The following UBE2E2 variants were observed in gnomAD, a reference collection of about 807,000 sequenced individuals.
UBE2E2 encodes ubiquitin conjugating enzyme E2 E2, also known as ubiquitin-conjugating enzyme E2 E2.
Under a neutral mutation model 24.7 loss-of-function variants are expected in UBE2E2, and 6 were observed. The ratio of observed to expected loss-of-function variants is 0.24; its 90% CI spans 0.13 to 0.48. UBE2E2 has a LOEUF of 0.48. UBE2E2 is among the 20% of genes least tolerant of loss of function. The probability of loss-of-function intolerance (pLI) is 0.99; values close to 1 mark genes in which losing one functional copy is unlikely to be tolerated. For missense variants in UBE2E2, 169 were observed against 245.0 expected (o/e 0.69, Z 2.07); for synonymous variants, 104 against 83.6 (o/e 1.24, Z -1.33).
At chr3:23,350,498 G>A (rs1466534059) in intron 3 of UBE2E2, among the ~76,000 whole-genome samples, 2 of 152,314 alleles carry the variant, frequency 1.3e-5, no homozygotes, top group South Asian at 2.1e-4. Flanking sequence ...AAAAAATTTA[G>A]ACGAATGTAT....
At chr3:23,534,759 T>C (rs1218344911) in intron 5 of UBE2E2, among the ~76,000 whole-genome samples, 1 of 152,274 alleles carries the variant, frequency 6.6e-6, no homozygotes, top group African/African-American at 2.4e-5. Flanking sequence ...TTAGGTTAGA[T>C]TGAAGTTTAT....
chr3:23,307,029 A>G (rs1021031564), intron 3 of UBE2E2, among the ~76,000 whole-genome samples: 3 of 152,220 alleles, frequency 2.0e-5, no homozygotes, highest in African/African-American at 7.2e-5. Flanking sequence ...ACTTTATAAT[A>G]CAAAAAAGCA....
chr3:23,361,340 G>C (rs1410559715), intron 3 of UBE2E2, among the ~76,000 whole-genome samples: 1 of 152,002 alleles, frequency 6.6e-6, no homozygotes, highest in Admixed American at 6.6e-5. Context: ...TCTACCCAAA[G>C]GAAAATAAGT....
At position 23,407,986 on chromosome 3, in the gene UBE2E2, G is replaced by A. The variant is rs542828003; in HGVS notation, c.228-91622G>A. 6.6e-6 allele frequency among the ~76,000 whole-genome samples: 1 copy of A among 151,960 alleles called. No individual in the cohort carries two copies. The highest frequency in any genetic ancestry group is 2.4e-5 in the African/African-American group (1 of 41,448). ...ATGTGTAATTGTGCTTCTGGTGGGGGCGGGGGAGATGGGCTTTTATTAAAA... is the reference window on the plus strand; with the variant it reads ...ATGTGTAATTGTGCTTCTGGTGGGGACGGGGGAGATGGGCTTTTATTAAAA... On this transcript the variant is annotated intron_variant, in intron 3 of 5. Transcript: ENST00000396703. The surrounding 1 kb of genome is among the most constrained non-coding windows in gnomAD (Gnocchi z 4.0).
At chr3:23,578,154 CAT>C (rs1263119617) in intron 5 of UBE2E2, among the ~76,000 whole-genome samples, 1 of 151,732 alleles carries the variant, frequency 6.6e-6, no homozygotes, top group Non-Finnish European at 1.5e-5. Flanking sequence ...CAAAAGAAGA[CAT>C]ACGTGTGGCC....
At chr3:23,238,803 G>A (rs1269057581) in intron 3 of UBE2E2, among the ~76,000 whole-genome samples, 1 of 152,130 alleles carries the variant, frequency 6.6e-6, no homozygotes, top group Non-Finnish European at 1.5e-5. Flanking sequence ...TGTGTATTGT[G>A]TGCCTGCGAT....
In UBE2E2 at chr3:23,290,275, C is replaced by T. The variant is rs1380874839; in HGVS notation, c.227+72963C>T. Reference sequence around the variant, plus strand: ...AGGGGGCACTTTATTAGTTTGTGGACCATTCTTGAAGCTGGTGACGCTGCA... The same window carrying T: ...AGGGGGCACTTTATTAGTTTGTGGATCATTCTTGAAGCTGGTGACGCTGCA... On this transcript the variant is annotated intron_variant, in intron 3 of 5. Transcript: ENST00000396703. 3.3e-5 allele frequency among the ~76,000 whole-genome samples: 5 copies of T among 152,144 alleles called. No homozygotes were observed. The South Asian group carries it at 1.0e-3, about 32-fold the overall frequency.
intron 5 of UBE2E2, among the ~76,000 whole-genome samples, chr3:23,547,036 A>G (rs188669903): frequency 6.6e-6 from 1 of 152,196 alleles, no homozygotes; most frequent in African/African-American, 2.4e-5. Flanking sequence ...TACATATTTT[A>G]TTGCAAATTG....
chr3:23,356,579 C>T (rs1695958980), intron 3 of UBE2E2, among the ~76,000 whole-genome samples: 1 of 152,094 alleles, frequency 6.6e-6, no homozygotes, highest in Admixed American at 6.6e-5. Flanking sequence ...AAGTGCATTC[C>T]TTGACTCAAC....
chr3:23,374,900 CT>C (rs765083366), intron 3 of UBE2E2, among the ~76,000 whole-genome samples: 3 of 152,098 alleles, frequency 2.0e-5, no homozygotes, highest in Non-Finnish European at 4.4e-5. Context: ...TCCCAAGTAA[CT>C]GGGATTACAG....
intron 3 of UBE2E2, among the ~76,000 whole-genome samples, chr3:23,405,533 C>T (rs1162246315): frequency 2.6e-5 from 4 of 152,006 alleles, no homozygotes; most frequent in Admixed American, 6.6e-5. Flanking sequence ...GGTAATTTTT[C>T]CCCATAAAAT....
intron 3 of UBE2E2, among the ~76,000 whole-genome samples, chr3:23,453,865 A>G (rs566022290): frequency 6.6e-6 from 1 of 152,270 alleles, no homozygotes; most frequent in African/African-American, 2.4e-5. Flanking sequence ...AGGGGAAGAA[A>G]CTTTTTCTGA....
At chr3:23,459,838 A>G (rs1342748747) in intron 3 of UBE2E2, among the ~76,000 whole-genome samples, 1 of 152,204 alleles carries the variant, frequency 6.6e-6, no homozygotes, top group Non-Finnish European at 1.5e-5. Context: ...TTCTTAGCAT[A>G]CTTTCTGTGT....
At chr3:23,361,823 A>G (rs1341327927) in intron 3 of UBE2E2, among the ~76,000 whole-genome samples, 1 of 152,234 alleles carries the variant, frequency 6.6e-6, no homozygotes, top group Admixed American at 6.5e-5. Flanking sequence ...TATAAAAATA[A>G]TAAATACAAT....
intron 3 of UBE2E2, among the ~76,000 whole-genome samples, chr3:23,319,863 C>CA (rs916654054): frequency 2.0e-5 from 3 of 151,676 alleles, no homozygotes; most frequent in African/African-American, 7.3e-5. Context: ...CCCAAAAAAC[C>CA]AAAAAACAAC....
intron 3 of UBE2E2, among the ~76,000 whole-genome samples, chr3:23,466,945 C>G (rs537031338): frequency 7.9e-5 from 12 of 152,230 alleles, no homozygotes; most frequent in South Asian, 4.2e-4. Flanking sequence ...GGGAGAGGCT[C>G]TGCAGAATTT....
In UBE2E2 at chr3:23,280,866, A is replaced by G. The variant is rs909702669; in HGVS notation, c.227+63554A>G. Among the ~76,000 whole-genome samples, 1 of 152,212 alleles carries G rather than the reference A, an allele frequency of 6.6e-6. No individual in the cohort carries two copies. The highest frequency in any genetic ancestry group is 2.4e-5 in the African/African-American group (1 of 41,454). ...TCTTAGTTTGGGCTGCTGTAACAGA[A>G]TAAGTCTGGGTGGCTTAAACAGCAT... is the stretch of plus-strand genomic sequence containing the variant. On this transcript the variant is annotated intron_variant, in intron 3 of 5. Transcript: ENST00000396703. The surrounding 1 kb of genome is among the most constrained non-coding windows in gnomAD (Gnocchi z 4.3).
chr3:23,420,896 A>T (rs547941577), intron 3 of UBE2E2, among the ~76,000 whole-genome samples: 1 of 152,370 alleles, frequency 6.6e-6, no homozygotes, highest in Admixed American at 6.5e-5. Flanking sequence ...TTAAGAACAG[A>T]GTAAAGATAT....
At chr3:23,287,765 GTCTC>G (rs1172101284) in intron 3 of UBE2E2, among the ~76,000 whole-genome samples, 2 of 142,866 alleles carry the variant, frequency 1.4e-5, no homozygotes, top group Admixed American at 1.4e-4. Flanking sequence ...TGGTTGTAAT[GTCTC>G]TCTCTTTTTT....
Sources: allele counts gnomAD v4.1 joint callset (sites outside exome capture counted in the v4.1 genomes callset), GRCh38; gene constraint gnomAD v4.1.1; non-coding constraint Gnocchi (gnomAD v3.1); transcripts MANE v1.5; gene names NCBI Gene and HGNC (gene_info 2026-07-23, HGNC 2026-07-21).